The following TUSC3 variants were observed in gnomAD, a reference collection of about 807,000 sequenced individuals.
TUSC3 encodes dolichyl-diphosphooligosaccharide--protein glycosyltransferase subunit TUSC3.
TUSC3 carries 45 observed loss-of-function variants against 44.8 expected under a neutral mutation model. The observed-to-expected ratio is 1.00, with a 90% CI of 0.79 to 1.29. The LOEUF (loss-of-function observed/expected upper bound fraction) is 1.29, where lower values mean the gene tolerates loss of function less well. TUSC3 is among the 50% of genes most tolerant of loss of function. TUSC3 has a pLI of 0.00. For missense variants in TUSC3, 519 were observed against 437.9 expected (o/e 1.19, Z -1.65); for synonymous variants, 212 against 152.9 (o/e 1.39, Z -2.85).
At chr8:15,523,708 G>GTATATATATATATATATA (rs71211051) in intron 2 of TUSC3, among the ~76,000 whole-genome samples, 12 of 112,498 alleles carry the variant, frequency 1.1e-4, no homozygotes, top group African/African-American at 3.9e-4. Context: ...GTGTGTGTGT[G>GTATATATATATATATATA]TATATATATA....
chr8:15,754,664 C>G (rs985286543), intron 9 of TUSC3, among the ~76,000 whole-genome samples: 1 of 151,982 alleles, frequency 6.6e-6, no homozygotes, highest in East Asian at 1.9e-4. Flanking sequence ...GTTATGCCTC[C>G]GCCTTTTAGC....
chr8:15,794,294 A>T, the TUSC3 span, among the ~76,000 whole-genome samples: 1 of 152,108 alleles, frequency 6.6e-6, no homozygotes, highest in Non-Finnish European at 1.5e-5. Context: ...ACAATAACAC[A>T]GCCACTCTTA....
intron 1 of TUSC3, among the ~76,000 whole-genome samples, chr8:15,432,504 G>C (rs1799884426): frequency 1.3e-5 from 2 of 152,182 alleles, no homozygotes; most frequent in Non-Finnish European, 2.9e-5. Context: ...GCCAAGTCTG[G>C]TTCTGATGCT....
At chr8:15,743,437 C>A (rs559865657) in intron 7 of TUSC3, 101 bp from the exon 8 acceptor site, 19 of 1,140,228 alleles carry the variant, frequency 1.7e-5, no homozygotes, top group Non-Finnish European at 2.4e-5. Context: ...CCTCTGTGTG[C>A]ATTTGTAGTT....
intron 1 of TUSC3, among the ~76,000 whole-genome samples, chr8:15,431,839 T>C (rs1289724631): frequency 2.0e-5 from 1 of 48,850 alleles, no homozygotes; most frequent in African/African-American, 3.5e-5. Context: ...GTACTTGCCT[T>C]CTCTACCTAT....
chr8:15,626,252 A>G (rs1805504349), intron 2 of TUSC3, among the ~76,000 whole-genome samples: 1 of 152,144 alleles, frequency 6.6e-6, no homozygotes, highest in Non-Finnish European at 1.5e-5. Context: ...TCTACGGGGA[A>G]TAGGGAGAAG....
chr8:15,767,418 G>C (rs1812361891), downstream of TUSC3, among the ~76,000 whole-genome samples: 1 of 144,268 alleles, frequency 6.9e-6, no homozygotes, highest in East Asian at 2.1e-4. Flanking sequence ...GGACATACCT[G>C]TCCTTAGAAA....
chr8:15,460,178 T>C (rs1172710338), intron 1 of TUSC3, among the ~76,000 whole-genome samples: 1 of 152,144 alleles, frequency 6.6e-6, no homozygotes, highest in Non-Finnish European at 1.5e-5. Flanking sequence ...TTCCCTGATC[T>C]CTGCATCCAC....
intron 6 of TUSC3, among the ~76,000 whole-genome samples, chr8:15,716,747 A>G (rs955239594): frequency 2.6e-5 from 4 of 152,150 alleles, no homozygotes; most frequent in Admixed American, 1.3e-4. Flanking sequence ...GCTCAGTGTA[A>G]ATACGAAATG....
chr8:15,742,395 A>G (rs980061852), intron 7 of TUSC3, among the ~76,000 whole-genome samples: 30 of 152,212 alleles, frequency 2.0e-4, no homozygotes, highest in African/African-American at 7.0e-4. Flanking sequence ...GAAGTCAGGC[A>G]TTTATCCTTA....
chr8:15,570,302 ACT>A (rs1491034552), intron 1 of TUSC3, among the ~76,000 whole-genome samples: 2 of 142,358 alleles, frequency 1.4e-5, no homozygotes, highest in Non-Finnish European at 3.1e-5. Context: ...ACACACACAC[ACT>A]CTTACTGAAA....
At chr8:15,522,083 T>C (rs1277895724) in intron 2 of TUSC3, among the ~76,000 whole-genome samples, 2 of 152,204 alleles carry the variant, frequency 1.3e-5, no homozygotes, top group African/African-American at 4.8e-5. Flanking sequence ...ATTTCTGAAA[T>C]CTTCATCTCA....
At chr8:15,790,048 C>T in the TUSC3 span, among the ~76,000 whole-genome samples, 1 of 151,964 alleles carries the variant, frequency 6.6e-6, no homozygotes, top group African/African-American at 2.4e-5. Context: ...TGTTGGCAGC[C>T]GTATTTATAC....
At position 15,661,240 on chromosome 8, in the gene TUSC3, A is replaced by G. The variant is rs2543137; in HGVS notation, c.568-916A>G. ...TTGAGCTACCACTACCCATATTACA[A>G]TTTTGTCAAGTAACCTAATACCCTT... is the stretch of plus-strand genomic sequence containing the variant. On this transcript the variant is annotated intron_variant, in intron 4 of 10. Coordinates refer to ENST00000503731, the MANE Select transcript of TUSC3 (RefSeq NM_006765.4). 5.9e-3 allele frequency among the ~76,000 whole-genome samples: 900 copies of G among 152,124 alleles called. 9 individuals are homozygous for G. The highest frequency in any genetic ancestry group is 0.02 in the African/African-American group (841 of 41,542).
chr8:15,471,838 G>T (rs1029990524), intron 1 of TUSC3, among the ~76,000 whole-genome samples: 1 of 151,898 alleles, frequency 6.6e-6, no homozygotes, highest in Non-Finnish European at 1.5e-5. Flanking sequence ...GGCTGGTCTC[G>T]AACTCCTGAC....
chr8:15,638,708 T>A (rs1039945841), intron 2 of TUSC3, among the ~76,000 whole-genome samples: 1 of 151,996 alleles, frequency 6.6e-6, no homozygotes, highest in African/African-American at 2.4e-5. Context: ...GTATTTTTAA[T>A]AGAGACAGGG....
At chr8:15,547,770 C>G (rs531610405) in intron 1 of TUSC3, among the ~76,000 whole-genome samples, 1 of 151,452 alleles carries the variant, frequency 6.6e-6, no homozygotes, top group Non-Finnish European at 1.5e-5. Context: ...GGTCCTCGTT[C>G]TCCCAAGTGA....
intron 2 of TUSC3, among the ~76,000 whole-genome samples, chr8:15,510,635 C>G (rs922263671): frequency 6.6e-6 from 1 of 152,080 alleles, no homozygotes; most frequent in African/African-American, 2.4e-5. Flanking sequence ...AGATGGCTCT[C>G]TTGATAAATC....
chr8:15,450,512 C>T (rs1220225803), intron 1 of TUSC3, among the ~76,000 whole-genome samples: 2 of 151,972 alleles, frequency 1.3e-5, no homozygotes, highest in African/African-American at 2.4e-5. Flanking sequence ...GGTGAAACCC[C>T]ATCTCTAGTA....
Sources: gnomAD v4.1 joint callset for allele counts (sites outside exome capture counted in the v4.1 genomes callset) on GRCh38, gnomAD v4.1.1 for gene constraint, MANE v1.5 for transcripts, NCBI Gene and HGNC (gene_info 2026-07-23, HGNC 2026-07-21) for gene names.